IGLL5: variants seen among roughly 807,000 people sequenced by gnomAD.
IGLL5 encodes the protein immunoglobulin lambda-like polypeptide 5.
Under a neutral mutation model 20.9 loss-of-function variants are expected in IGLL5, and 30 were observed. That is an observed-to-expected ratio of 1.44 (90% CI 1.07 to 1.95). The LOEUF (loss-of-function observed/expected upper bound fraction) is 1.95, where lower values mean the gene tolerates loss of function less well. Ranked by LOEUF, IGLL5 falls within the 30% of genes most tolerant of loss-of-function variation. The pLI, the probability that IGLL5 is intolerant of heterozygous loss-of-function variation, is 0.00. For missense variants in IGLL5, 475 were observed against 270.7 expected (o/e 1.75, Z -5.30); for synonymous variants, 203 against 117.3 (o/e 1.73, Z -4.72).
At chr22:22,891,883 G>A (rs2067858500) in intron 1 of IGLL5, among the ~76,000 whole-genome samples, 1 of 151,012 alleles carries the variant, frequency 6.6e-6, no homozygotes, top group Non-Finnish European at 1.5e-5. Context: ...ATTAATTCCA[G>A]CAGTTCTTCA....
Position 22,893,689 on chromosome 22 carries a change from A to G in IGLL5, c.207-11A>G, listed in dbSNP as rs769058717. 2.5e-6 allele frequency: 4 copies of G among 1,585,610 alleles called. No individual in the cohort carries two copies. The African/African-American group carries it at 5.4e-5, about 21-fold the overall frequency. On this transcript the variant is annotated splice_polypyrimidine_tract_variant and intron_variant, in intron 1 of 2. Transcript: ENST00000526893. ...CGCCCACTGCAACCCTGTGCCCGTCATGCCCAGCAGGCTCCTGCTCCAGCC... is the reference window on the plus strand; with the variant it reads ...CGCCCACTGCAACCCTGTGCCCGTCGTGCCCAGCAGGCTCCTGCTCCAGCC...
intron 1 of IGLL5, among the ~76,000 whole-genome samples, chr22:22,889,113 A>G (rs190443297): frequency 2.0e-5 from 3 of 151,136 alleles, no homozygotes; most frequent in East Asian, 2.1e-4. Flanking sequence ...GTTTTTGGAA[A>G]AATCAGCACC....
At chr22:22,891,516 T>TA (rs758371176) in intron 1 of IGLL5, among the ~76,000 whole-genome samples, 87 of 151,216 alleles carry the variant, frequency 5.8e-4, no homozygotes, top group Non-Finnish European at 1.1e-3. Context: ...GTCTATTATC[T>TA]GTCATTCTTA....
chr22:22,888,225 A>G lies in IGLL5; in HGVS notation c.172A>G (p.Ser58Gly), dbSNP rs779353676. The G allele has an allele frequency of 1.7e-5, 27 of 1,548,136 alleles. No individual in the cohort carries two copies. Among genetic ancestry groups the G allele is most frequent in the Middle Eastern group, 3.8e-4 (2 of 5,320 alleles). Reference sequence around the variant, plus strand: ...CCCAGACCCTGGAGCCTCAGTTGGAAGCAGCCGATCCAGCCTGCGGAGCCT... The same window carrying G: ...CCCAGACCCTGGAGCCTCAGTTGGAGGCAGCCGATCCAGCCTGCGGAGCCT... ...GDPDPGASVG[S>G]SRSSLRSLWG... The change falls in exon 1 of 3, where the codon AGC (serine) becomes GGC (glycine). Residue 58 changes from serine to glycine, a missense_variant. Ser to Gly is a moderately conservative substitution (Grantham distance 56). Transcript: ENST00000526893.
At chr22:22,894,100 A>C (rs528633374) in intron 2 of IGLL5, among the ~76,000 whole-genome samples, 3 of 151,384 alleles carry the variant, frequency 2.0e-5, no homozygotes, top group East Asian at 4.0e-4. Flanking sequence ...TGAGTGAGGG[A>C]CAGAGGCTGG....
chr22:22,894,414 C>T (rs754117035), intron 2 of IGLL5, among the ~76,000 whole-genome samples: 8 of 151,308 alleles, frequency 5.3e-5, no homozygotes, highest in East Asian at 2.0e-4. Context: ...CACAGAGGGA[C>T]GGGTGAGACT....
chr22:22,893,993 G>A (rs1601622512), intron 2 of IGLL5, among the ~76,000 whole-genome samples, 175 bp downstream of exon 2: 1 of 150,630 alleles, frequency 6.6e-6, no homozygotes, highest in East Asian at 2.0e-4. Context: ...GGCAGGAAGG[G>A]CCTCCACAGT....
At chr22:22,894,686 G>C (rs1434936282) in intron 2 of IGLL5, among the ~76,000 whole-genome samples, 1 of 151,444 alleles carries the variant, frequency 6.6e-6, no homozygotes, top group African/African-American at 2.4e-5. Flanking sequence ...GGGCCTGGGG[G>C]CTGCTGAGTC....
chr22:22,888,843 T>G (rs545003351), intron 1 of IGLL5, among the ~76,000 whole-genome samples: 2 of 151,342 alleles, frequency 1.3e-5, no homozygotes, highest in Admixed American at 1.3e-4. Flanking sequence ...ACGGCCCATG[T>G]TTGGAGCAAT....
In IGLL5 at chr22:22,893,734, C is replaced by T. The variant is rs778472954; in HGVS notation, c.241C>T (p.Pro81Ser). The change falls in exon 2 of 3, where the codon CCC (proline) becomes TCC (serine). Residue 81 changes from proline (P) to serine (S), a missense_variant. By Grantham distance (74) the Pro-to-Ser change is moderately conservative. Coordinates refer to ENST00000526893, the MANE Select transcript of IGLL5 (RefSeq NM_001178126.2). ...LLQPSPQRAD[P>S]RCWPRGFWSE... ...CCAGCCCAGCCCCCAGAGAGCAGAC[C>T]CCAGGTGCTGGCCCCGGGGGTTTTG... The T allele has an allele frequency of 5.6e-6, 9 of 1,607,116 alleles. No homozygotes were observed. The African/African-American group carries it at 6.7e-5, about 12-fold the overall frequency.
intron 1 of IGLL5, among the ~76,000 whole-genome samples, chr22:22,888,542 C>A: frequency 6.6e-6 from 1 of 151,254 alleles, no homozygotes; most frequent in East Asian, 2.0e-4. Flanking sequence ...AGTCCTAGTC[C>A]TCTGGGTAGG....
At chr22:22,889,480 C>G in intron 1 of IGLL5, among the ~76,000 whole-genome samples, 1 of 151,272 alleles carries the variant, frequency 6.6e-6, no homozygotes, top group South Asian at 2.1e-4. Flanking sequence ...GTAACCAAAT[C>G]TTTATAACAA....
intron 1 of IGLL5, among the ~76,000 whole-genome samples, chr22:22,889,087 T>C (rs2067684351): frequency 2.0e-5 from 3 of 151,286 alleles, no homozygotes; most frequent in East Asian, 2.0e-4. Context: ...AGATTGATTA[T>C]CAGAGTCAGA....
chr22:22,888,645 T>A (rs535204237), intron 1 of IGLL5, among the ~76,000 whole-genome samples: 1 of 151,190 alleles, frequency 6.6e-6, no homozygotes, highest in East Asian at 2.1e-4. Context: ...TCCTCCTCTC[T>A]GCCCATGTGC....
chr22:22,888,066 A>G lies in IGLL5; in HGVS notation c.13A>G (p.Thr5Ala), dbSNP rs1341328776. 4.5e-6 allele frequency: 7 copies of G among 1,549,162 alleles called. No homozygotes were observed. The highest frequency in any genetic ancestry group is 4.9e-5 in the East Asian group (2 of 40,634). Residue 5 changes from threonine (T) to alanine (A), a missense_variant, in exon 1 of 3, where the codon ACA (threonine) becomes GCA (alanine). Physicochemically the swap from Thr to Ala is moderately conservative, Grantham distance 58 (BLOSUM62 0). Coordinates refer to ENST00000526893, the MANE Select transcript of IGLL5 (RefSeq NM_001178126.2). MRPK[T>A]GQVGCETPEE... is the part of the protein sequence containing the mutation. ...AACCTGAAGGCCAATGAGACCCAAGACAGGCCAAGTGGGTTGTGAGACCCC... is the reference window on the plus strand; with the variant it reads ...AACCTGAAGGCCAATGAGACCCAAGGCAGGCCAAGTGGGTTGTGAGACCCC...
At chr22:22,889,209 A>G (rs2067697085) in intron 1 of IGLL5, among the ~76,000 whole-genome samples, 3 of 151,078 alleles carry the variant, frequency 2.0e-5, no homozygotes, top group East Asian at 2.0e-4. Context: ...ATCCTGGAGG[A>G]AGCCGTGCCT....
chr22:22,887,853 G>A lies in IGLL5; in HGVS notation c.-201G>A, dbSNP rs533427694. On this transcript the variant is annotated 5_prime_UTR_variant, in exon 1 of 3. Transcript: ENST00000526893. ...GGGCAGTTGGTAGATGCCCCTCTGG[G>A]AGAGATCCCCAGGGGTGACAGCCAT... 1.6e-6 allele frequency: 1 copy of A among 616,310 alleles called. No individual in the cohort carries two copies. The highest frequency in any genetic ancestry group is 2.9e-6 in the Non-Finnish European group (1 of 342,478). 38.2% of individuals were successfully genotyped at this position (616,310 alleles called of 1,614,324 possible).
intron 1 of IGLL5, among the ~76,000 whole-genome samples, chr22:22,889,484 A>G (rs1047467639): frequency 1.1e-4 from 16 of 151,386 alleles, no homozygotes; most frequent in East Asian, 4.0e-4. Context: ...CCAAATCTTT[A>G]TAACAAGGGT....
intron 1 of IGLL5, among the ~76,000 whole-genome samples, chr22:22,892,579 G>A (rs1284235734): frequency 7.3e-5 from 11 of 151,006 alleles, no homozygotes; most frequent in South Asian, 6.4e-4. Context: ...TTGCTGAAGT[G>A]AGGACTCTGT....
Sources: gnomAD v4.1 joint callset for allele counts (sites outside exome capture counted in the v4.1 genomes callset) on GRCh38, gnomAD v4.1.1 for gene constraint, MANE v1.5 for transcripts, NCBI Gene and HGNC (gene_info 2026-07-23, HGNC 2026-07-21) for gene names.